GRIP1: variants seen among roughly 807,000 people sequenced by gnomAD.
GRIP1 encodes glutamate receptor interacting protein 1, also known as glutamate receptor-interacting protein 1.
In GRIP1, 45 loss-of-function variants were observed where a neutral mutation model predicts 129.9. The ratio of observed to expected loss-of-function variants is 0.35; its 90% CI spans 0.27 to 0.44. GRIP1 has a LOEUF of 0.44. Among genes scored for constraint, GRIP1 ranks in the 20% least tolerant of loss-of-function variants. The pLI, the probability that GRIP1 is intolerant of heterozygous loss-of-function variation, is 1.00. For synonymous variants in GRIP1, 530 were observed against 520.8 expected (o/e 1.02, Z -0.24); for missense variants, 1,196 against 1,396.8 (o/e 0.86, Z 2.29).
chr12:66,827,519 C>A (rs1414563283), intron 1 of GRIP1, among the ~76,000 whole-genome samples: 1 of 152,010 alleles, frequency 6.6e-6, no homozygotes, highest in Non-Finnish European at 1.5e-5. Flanking sequence ...ATCCTCTCAC[C>A]TTTGCCCTGT....
At position 66,596,888 on chromosome 12, in the gene GRIP1, G is replaced by A. The variant is rs764757040; in HGVS notation, c.95C>T (p.Pro32Leu). The A allele has an allele frequency of 1.2e-6, 2 of 1,613,530 alleles. No individual in the cohort carries two copies. Among genetic ancestry groups the A allele is most frequent in the Admixed American group, 3.3e-5 (2 of 59,998 alleles). The change falls in exon 2 of 25, where the codon CCG (proline) becomes CTG (leucine). Residue 32 changes from proline to leucine, a missense_variant. This residue lies in a region of GRIP1 where 217 missense variants were observed against 224.8 expected (regional missense o/e 0.97). Coordinates refer to ENST00000359742, the MANE Select transcript of GRIP1 (RefSeq NM_001366722.1). Reference protein sequence around the residue: ...PYTKSASQTKPPDGALAVRRQ... With the variant: ...PYTKSASQTKLPDGALAVRRQ... Reference sequence around the variant, plus strand: ...CCTCACAGCCAACGCTCCATCAGGCGGCTTTGTCTGGCTGGCGGATTTAGT... The same window carrying A: ...CCTCACAGCCAACGCTCCATCAGGCAGCTTTGTCTGGCTGGCGGATTTAGT...
rs772126169 is a variant in GRIP1 at position 66,572,031 on chromosome 12, A to G, written c.136+24816T>C. Among the ~76,000 whole-genome samples, 21 of 152,246 alleles carry G rather than the reference A, an allele frequency of 1.4e-4. 1 individual carries two copies. Among genetic ancestry groups the G allele is most frequent in the Admixed American group, 6.5e-4 (10 of 15,300 alleles). On this transcript the variant is annotated intron_variant, in intron 2 of 24. Transcript: ENST00000359742. ...TGTTTTAAATCAACTTCTCAGGCCTAAAAAAACCCCACACTTCTGGATTCT... is the reference window on the plus strand; with the variant it reads ...TGTTTTAAATCAACTTCTCAGGCCTGAAAAAACCCCACACTTCTGGATTCT...
chr12:66,895,954 A>T (rs1320547573), intron 1 of GRIP1, among the ~76,000 whole-genome samples: 1 of 152,242 alleles, frequency 6.6e-6, no homozygotes, highest in Admixed American at 6.5e-5. Flanking sequence ...TCATTGAGAA[A>T]AAAGTCACTG....
chr12:66,905,174 T>C (rs1221962216), intron 1 of GRIP1, among the ~76,000 whole-genome samples: 1 of 152,230 alleles, frequency 6.6e-6, no homozygotes, highest in Non-Finnish European at 1.5e-5. Flanking sequence ...TTGTGTTTCC[T>C]TTTTACTTTA....
chr12:66,693,970 A>AAC (rs1359335471), intron 1 of GRIP1, among the ~76,000 whole-genome samples: 1 of 152,092 alleles, frequency 6.6e-6, no homozygotes, highest in East Asian at 1.9e-4. Context: ...TCACCTCCTA[A>AAC]ACACTTCTCA....
chr12:66,870,662 T>C (rs953131396), intron 1 of GRIP1, among the ~76,000 whole-genome samples: 11 of 152,118 alleles, frequency 7.2e-5, no homozygotes, highest in Non-Finnish European at 1.0e-4. Flanking sequence ...GACATGAAGA[T>C]GAAAAGGAGG....
intron 5 of GRIP1, among the ~76,000 whole-genome samples, chr12:66,523,601 C>T (rs2061105493): frequency 6.6e-6 from 1 of 151,930 alleles, no homozygotes; most frequent in African/African-American, 2.4e-5. Flanking sequence ...ACCATCGAGA[C>T]TAGGAAGAAA....
chr12:66,833,560 TCTTC>T (rs1305685841), intron 1 of GRIP1, among the ~76,000 whole-genome samples: 1 of 152,192 alleles, frequency 6.6e-6, no homozygotes, highest in Non-Finnish European at 1.5e-5. Context: ...CCACTTCCTC[TCTTC>T]TTCTCCCCTC....
intron 7 of GRIP1, among the ~76,000 whole-genome samples, chr12:66,468,269 A>G (rs2059341991): frequency 1.3e-5 from 2 of 152,206 alleles, no homozygotes; most frequent in Admixed American, 1.3e-4. Context: ...CAGAACTGGT[A>G]AGCCATCTTC....
At chr12:66,873,612 T>C (rs2040333770) in intron 1 of GRIP1, among the ~76,000 whole-genome samples, 1 of 152,058 alleles carries the variant, frequency 6.6e-6, no homozygotes, top group Non-Finnish European at 1.5e-5. Context: ...CTGGTGACTA[T>C]TTATATTCTG....
chr12:66,390,092 T>G (rs1296690813), intron 19 of GRIP1, among the ~76,000 whole-genome samples: 1 of 152,134 alleles, frequency 6.6e-6, no homozygotes. Context: ...CAGAGCTACG[T>G]GGAGATGGGG....
intron 12 of GRIP1, among the ~76,000 whole-genome samples, chr12:66,445,016 T>A (rs2138108400): frequency 6.6e-6 from 1 of 152,352 alleles, no homozygotes; most frequent in South Asian, 2.1e-4. Context: ...ATGATGAATG[T>A]ATATTCCCCC....
At chr12:66,680,139 T>C (rs1458933268), upstream of GRIP1, among the ~76,000 whole-genome samples, 1 of 152,166 alleles carries the variant, frequency 6.6e-6, no homozygotes, top group African/African-American at 2.4e-5. Context: ...AAAAGATATA[T>C]CACTGTCTAA....
At chr12:66,697,589 G>A (rs142263416) in intron 1 of GRIP1, among the ~76,000 whole-genome samples, 34 of 152,258 alleles carry the variant, frequency 2.2e-4, no homozygotes, top group African/African-American at 8.2e-4. Flanking sequence ...ACACATTTGA[G>A]ACTACTTTTT....
chr12:66,784,136 G>A (rs564481774), intron 1 of GRIP1, among the ~76,000 whole-genome samples: 1 of 151,952 alleles, frequency 6.6e-6, no homozygotes, highest in Non-Finnish European at 1.5e-5. Flanking sequence ...TTTTTAAGTT[G>A]TAAGTAGATA....
In GRIP1 at chr12:66,377,169, G is replaced by C. The variant is rs780543419; in HGVS notation, c.2733+5C>G. 6.3e-7 allele frequency: 1 copy of C among 1,595,198 alleles called. No individual in the cohort carries two copies. Among genetic ancestry groups the C allele is most frequent in the Non-Finnish European group, 8.6e-7 (1 of 1,162,702 alleles). ...AATAAAAGTAAGTAGCAGGACCAAG[G>C]CTACCTCCAGTTCTCTCAGAATTCC... On this transcript the variant is annotated splice_donor_5th_base_variant and intron_variant, in intron 21 of 24. Coordinates refer to ENST00000359742, the MANE Select transcript of GRIP1 (RefSeq NM_001366722.1).
chr12:66,926,164 A>ATGTACTTC (rs57507385), intron 1 of GRIP1, among the ~76,000 whole-genome samples: 5 of 151,874 alleles, frequency 3.3e-5, no homozygotes, highest in African/African-American at 1.2e-4. Flanking sequence ...TTACCCCACA[A>ATGTACTTC]AGTCACTGAG....
At chr12:66,892,419 A>C (rs2040675821) in intron 1 of GRIP1, among the ~76,000 whole-genome samples, 3 of 152,170 alleles carry the variant, frequency 2.0e-5, no homozygotes, top group Admixed American at 2.0e-4. Context: ...ACTCACAAGA[A>C]ATGGCAAAAA....
At chr12:66,496,693 G>C (rs2138724790) in intron 7 of GRIP1, among the ~76,000 whole-genome samples, 1 of 152,290 alleles carries the variant, frequency 6.6e-6, no homozygotes, top group East Asian at 1.9e-4. Context: ...ATTTGGGTAG[G>C]AAGTCATCTC....
Sources: allele counts gnomAD v4.1 joint callset (sites outside exome capture counted in the v4.1 genomes callset), GRCh38; gene constraint gnomAD v4.1.1; regional missense constraint gnomAD v4.1.1; transcripts MANE v1.5; gene names NCBI Gene and HGNC (gene_info 2026-07-23, HGNC 2026-07-21).